The following PPP3CA variants were observed in gnomAD, a reference collection of about 807,000 sequenced individuals.
The protein encoded by PPP3CA is CAM-PRP catalytic subunit.
In PPP3CA, 14 loss-of-function variants were observed where a neutral mutation model predicts 66.5. The ratio of observed to expected loss-of-function variants is 0.21; its 90% CI spans 0.14 to 0.33. The LOEUF (loss-of-function observed/expected upper bound fraction) is 0.33. Ranked by LOEUF, PPP3CA falls within the 10% of genes least tolerant of loss-of-function variation. The pLI, the probability that PPP3CA is intolerant of heterozygous loss-of-function variation, is 1.00. For synonymous variants in PPP3CA, 232 were observed against 226.2 expected, an observed-to-expected ratio of 1.03 and a Z score of -0.23; for missense variants, 317 against 639.5, an observed-to-expected ratio of 0.50 and a Z score of 5.44.
chr4:101,325,007 T>G (rs1333167657), intron 1 of PPP3CA, among the ~76,000 whole-genome samples: 6 of 152,174 alleles, frequency 3.9e-5, no homozygotes, highest in Non-Finnish European at 7.4e-5. Context: ...AAGAATCACT[T>G]GGGATGCTTG....
At chr4:101,296,131 TA>T (rs1409107585) in intron 1 of PPP3CA, among the ~76,000 whole-genome samples, 2 of 152,194 alleles carry the variant, frequency 1.3e-5, no homozygotes, top group Non-Finnish European at 2.9e-5. Context: ...AACATGTTCC[TA>T]AATGGTAGCA....
At chr4:101,306,180 G>T (rs919393484) in intron 1 of PPP3CA, among the ~76,000 whole-genome samples, 1 of 152,120 alleles carries the variant, frequency 6.6e-6, no homozygotes, top group Non-Finnish European at 1.5e-5. Context: ...TCTGGAAGGG[G>T]TTTCTAAGTT....
rs79519412 is a variant in PPP3CA at position 101,083,806 on chromosome 4, C to T, written c.783-543G>A. ...CATACGGTGGGAAATCAAGTTATTG[C>T]TTTATCTAACATTATGGGTACAATA... On this transcript the variant is annotated intron_variant, in intron 6 of 13. Transcript: ENST00000394854. Among the ~76,000 whole-genome samples the T allele has an allele frequency of 3.3e-3, 496 of 152,238 alleles. 3 individuals carry two copies. Among genetic ancestry groups the T allele is most frequent in the African/African-American group, 0.011 (461 of 41,548 alleles).
In PPP3CA at chr4:101,346,876, A is replaced by ACCG; in HGVS notation, c.-81_-80insCGG. The ACCG allele has an allele frequency of 1.5e-6, 2 of 1,304,430 alleles. No homozygotes were observed. The highest frequency in any genetic ancestry group is 2.1e-6 in the Non-Finnish European group (2 of 969,112). The allele number at this position is 1,304,430 out of a possible 1,614,324, so 80.8% of individuals were successfully genotyped here. A position where few individuals can be genotyped will look rare whatever the true frequency, so the allele number is the denominator to read the frequency against. ...GACCGGACCGGCGGGCCAGACACTCAACGCCGCCGCCGCCGCCGCCGCCGC... is the reference window on the plus strand; with the variant it reads ...GACCGGACCGGCGGGCCAGACACTCACCGACGCCGCCGCCGCCGCCGCCGCCGC... On this transcript the variant is annotated 5_prime_UTR_variant, in exon 1 of 14. Coordinates refer to ENST00000394854, the MANE Select transcript of PPP3CA (RefSeq NM_000944.5).
At chr4:101,126,711 C>G (rs567983458) in intron 2 of PPP3CA, among the ~76,000 whole-genome samples, 1 of 152,250 alleles carries the variant, frequency 6.6e-6, no homozygotes, top group Non-Finnish European at 1.5e-5. Flanking sequence ...GAGACAATAC[C>G]TATTGGCTAC....
intron 10 of PPP3CA, among the ~76,000 whole-genome samples, chr4:101,047,089 A>G (rs1727798637): frequency 6.6e-6 from 1 of 152,158 alleles, no homozygotes; most frequent in South Asian, 2.1e-4. Context: ...TTCTTTCCTG[A>G]CCTAACTTAA....
At chr4:101,273,071 A>G (rs1189804890) in intron 1 of PPP3CA, among the ~76,000 whole-genome samples, 1 of 152,180 alleles carries the variant, frequency 6.6e-6, no homozygotes, top group East Asian at 1.9e-4. Flanking sequence ...AGTTCAAAGG[A>G]CAAGAATTTT....
intron 2 of PPP3CA, among the ~76,000 whole-genome samples, chr4:101,142,534 C>A (rs1011175126): frequency 1.5e-4 from 23 of 152,088 alleles, no homozygotes; most frequent in African/African-American, 5.3e-4. Context: ...ACATGCATAA[C>A]CTCCTTTAAC....
intron 2 of PPP3CA, among the ~76,000 whole-genome samples, chr4:101,171,442 CA>C (rs1180711753): frequency 1.3e-5 from 2 of 151,656 alleles, no homozygotes; most frequent in Non-Finnish European, 2.9e-5. Context: ...CGCTACATGA[CA>C]ATAGTAATAA....
At chr4:101,324,319 T>G (rs1729145745) in intron 1 of PPP3CA, among the ~76,000 whole-genome samples, 1 of 152,044 alleles carries the variant, frequency 6.6e-6, no homozygotes. Flanking sequence ...CAGGATTCAA[T>G]GCAGGTAGTC....
intron 8 of PPP3CA, among the ~76,000 whole-genome samples, chr4:101,065,789 C>G (rs1331292033): frequency 6.6e-6 from 1 of 152,070 alleles, no homozygotes; most frequent in Admixed American, 6.6e-5. Context: ...CCAAAATACA[C>G]GTTTGAGTGA....
At chr4:101,269,853 G>A (rs950289519) in intron 1 of PPP3CA, among the ~76,000 whole-genome samples, 2 of 152,002 alleles carry the variant, frequency 1.3e-5, no homozygotes, top group Non-Finnish European at 2.9e-5. Context: ...TAGAAGTCAC[G>A]CCTTTGCTTT....
At chr4:101,110,730 T>A (rs150932545) in intron 2 of PPP3CA, among the ~76,000 whole-genome samples, 2 of 152,194 alleles carry the variant, frequency 1.3e-5, no homozygotes, top group African/African-American at 4.8e-5. Flanking sequence ...ATTGAGAAGT[T>A]GGTTTGTGAG....
intron 1 of PPP3CA, among the ~76,000 whole-genome samples, chr4:101,237,574 T>C (rs926749220): frequency 1.3e-5 from 2 of 152,064 alleles, no homozygotes; most frequent in Non-Finnish European, 2.9e-5. Context: ...CTTCTTACTC[T>C]ACTGGCTTTC....
chr4:101,176,004 G>A (rs1578522516), intron 2 of PPP3CA, among the ~76,000 whole-genome samples: 1 of 152,002 alleles, frequency 6.6e-6, no homozygotes, highest in South Asian at 2.1e-4. Context: ...AAATAATTAC[G>A]GGAGAAGATG....
intron 1 of PPP3CA, among the ~76,000 whole-genome samples, chr4:101,302,402 G>T (rs756022525): frequency 6.6e-6 from 1 of 152,174 alleles, no homozygotes; most frequent in Non-Finnish European, 1.5e-5. Context: ...AAAAAGCAAG[G>T]ATAAACTTTT....
chr4:101,148,063 A>G (rs1723024131), intron 2 of PPP3CA, among the ~76,000 whole-genome samples: 1 of 152,126 alleles, frequency 6.6e-6, no homozygotes, highest in Non-Finnish European at 1.5e-5. Context: ...TTCAACCAAA[A>G]TATAAGATAA....
At chr4:101,166,636 G>C (rs1723701883) in intron 2 of PPP3CA, among the ~76,000 whole-genome samples, 1 of 152,114 alleles carries the variant, frequency 6.6e-6, no homozygotes, top group African/African-American at 2.4e-5. Flanking sequence ...TTTCTGGAGA[G>C]AACATATTAT....
chr4:101,331,128 A>G lies in PPP3CA; in HGVS notation c.58+15611T>C, dbSNP rs149213639. Among the ~76,000 whole-genome samples, 677 of 152,330 alleles carry G rather than the reference A, an allele frequency of 4.4e-3. 9 individuals are homozygous for G. The highest frequency in any genetic ancestry group is 0.016 in the African/African-American group (658 of 41,570). On this transcript the variant is annotated intron_variant, in intron 1 of 13. Coordinates refer to ENST00000394854, the MANE Select transcript of PPP3CA (RefSeq NM_000944.5). The stretch of plus-strand genomic sequence containing the variant: ...AATAACAAGTATTTTCTATCAATTC[A>G]CTGACACCATCTAATATATTTGGCC...
Sources: gnomAD v4.1 joint callset for allele counts (sites outside exome capture counted in the v4.1 genomes callset) on GRCh38, gnomAD v4.1.1 for gene constraint, MANE v1.5 for transcripts, NCBI Gene and HGNC (gene_info 2026-07-23, HGNC 2026-07-21) for gene names.